The following NUP37 variants were observed in gnomAD, a reference collection of about 807,000 sequenced individuals.
The protein encoded by NUP37 is nucleoporin Nup37.
In NUP37, 33 loss-of-function variants were observed where a neutral mutation model predicts 45.4. The ratio of observed to expected loss-of-function variants is 0.73; its 90% CI spans 0.55 to 0.97. The LOEUF (loss-of-function observed/expected upper bound fraction) is 0.97, where lower values mean the gene tolerates loss of function less well. Among genes scored for constraint, NUP37 ranks in the 50% least tolerant of loss-of-function variants. NUP37 has a pLI of 0.00. For synonymous variants in NUP37, 127 were observed against 130.7 expected (o/e 0.97, Z 0.19); for missense variants, 365 against 389.7 (o/e 0.94, Z 0.53).
intron 4 of NUP37, 99 bp from the exon 5 acceptor site, chr12:102,099,299 C>T (rs1879905469): frequency 3.9e-6 from 3 of 766,328 alleles, no homozygotes; most frequent in African/African-American, 3.5e-5. Context: ...AAAGCTTTCA[C>T]TGCCTGTTTT....
At chr12:102,083,139 T>A (rs1275370101) in intron 6 of NUP37, among the ~76,000 whole-genome samples, 4 of 152,198 alleles carry the variant, frequency 2.6e-5, no homozygotes, top group African/African-American at 9.6e-5. Context: ...AGCATTAAGA[T>A]GTAAGTTTTG....
intron 5 of NUP37, among the ~76,000 whole-genome samples, chr12:102,092,233 G>A (rs1879675656): frequency 6.6e-6 from 1 of 152,170 alleles, no homozygotes; most frequent in South Asian, 2.1e-4. Context: ...ACAAAAGAAA[G>A]AATGGATGAC....
At chr12:102,113,444 T>C (rs1332299023) in intron 2 of NUP37, among the ~76,000 whole-genome samples, 2 of 152,228 alleles carry the variant, frequency 1.3e-5, no homozygotes, top group African/African-American at 4.8e-5. Flanking sequence ...CAGGGATCCA[T>C]CTTATTACTC....
At position 102,115,447 on chromosome 12, in the gene NUP37, T is replaced by C. The variant is rs539941693; in HGVS notation, c.156+2916A>G. Among the ~76,000 whole-genome samples, 21 of 152,360 alleles carry C rather than the reference T, an allele frequency of 1.4e-4. 1 individual carries two copies. In the South Asian group the frequency reaches 2.3e-3, roughly 17 times the overall value. On this transcript the variant is annotated intron_variant, in intron 2 of 9. Coordinates refer to ENST00000552283, the MANE Select transcript of NUP37 (RefSeq NM_024057.4). ...CTCTAGTAGAACTTGGATGAGAACA[T>C]TGATTTAGGCAAGCATATATGTTCA... is the stretch of plus-strand genomic sequence containing the variant.
At position 102,074,257 on chromosome 12, in the gene NUP37, A is replaced by G; in HGVS notation, c.*97T>C. Reference sequence around the variant, plus strand: ...AGACATTTTCTAAAGTATACGGTATATTTGATATAAAAATTCTTCAAAATA... The same window carrying G: ...AGACATTTTCTAAAGTATACGGTATGTTTGATATAAAAATTCTTCAAAATA... On this transcript the variant is annotated 3_prime_UTR_variant, in exon 10 of 10. Transcript: ENST00000552283. 1 of 652,614 alleles carries G rather than the reference A, an allele frequency of 1.5e-6. No individual in the cohort carries two copies. The highest frequency in any genetic ancestry group is 2.6e-6 in the Non-Finnish European group (1 of 382,062). The allele number at this position is 652,614 out of a possible 1,614,324, so 40.4% of individuals were successfully genotyped here. A position where few individuals can be genotyped will look rare whatever the true frequency, so the allele number is the denominator to read the frequency against.
chr12:102,088,946 A>T (rs1477594150), intron 5 of NUP37, among the ~76,000 whole-genome samples: 1 of 152,140 alleles, frequency 6.6e-6, no homozygotes, highest in Non-Finnish European at 1.5e-5. Flanking sequence ...GCATCTGTTT[A>T]ACAAAGCACA....
chr12:102,098,280 C>G (rs1025318114), intron 5 of NUP37, among the ~76,000 whole-genome samples: 1 of 152,108 alleles, frequency 6.6e-6, no homozygotes, highest in Non-Finnish European at 1.5e-5. Context: ...TTATAGCTAC[C>G]TCATCTGTTC....
At chr12:102,101,926 C>T (rs959103586) in intron 3 of NUP37, among the ~76,000 whole-genome samples, 10 of 152,008 alleles carry the variant, frequency 6.6e-5, no homozygotes, top group Non-Finnish European at 1.3e-4. Context: ...GGTTTCACCA[C>T]GTTGGCCAGG....
At chr12:102,074,498 C>T (rs751547525) in intron 9 of NUP37, 31 bp from the exon 10 acceptor site, 2 of 1,228,450 alleles carry the variant, frequency 1.6e-6, no homozygotes, top group Admixed American at 2.1e-5. Flanking sequence ...TAAAGAAGCA[C>T]AGTAAGTCCC....
intron 6 of NUP37, 57 bp downstream of exon 6, chr12:102,085,709 C>T: frequency 1.2e-6 from 1 of 809,062 alleles, no homozygotes; most frequent in Non-Finnish European, 2.0e-6. Context: ...TATGTGATGT[C>T]TTATATCTCT....
At chr12:102,080,141 A>G (rs1594384354) in intron 6 of NUP37, among the ~76,000 whole-genome samples, 1 of 152,374 alleles carries the variant, frequency 6.6e-6, no homozygotes, top group East Asian at 1.9e-4. Flanking sequence ...AAAGAGAATT[A>G]TGAAAAAATC....
chr12:102,118,116 T>C lies in NUP37; in HGVS notation c.156+247A>G, dbSNP rs146319964. Among the ~76,000 whole-genome samples the C allele has an allele frequency of 7.0e-3, 1,059 of 152,326 alleles. 15 individuals are homozygous for C. Among genetic ancestry groups the C allele is most frequent in the Middle Eastern group, 0.014 (4 of 294 alleles). On this transcript the variant is annotated intron_variant, in intron 2 of 9. Transcript: ENST00000552283. The stretch of plus-strand genomic sequence containing the variant: ...TGTTCAGTTAATCATAGCCTTCACT[T>C]ATCAGAATATTCCATTAATGATCAT...
intron 5 of NUP37, among the ~76,000 whole-genome samples, chr12:102,092,216 T>C (rs1323961363): frequency 6.6e-6 from 1 of 152,216 alleles, no homozygotes; most frequent in African/African-American, 2.4e-5. Flanking sequence ...AAATGTTTTT[T>C]GACAACACAA....
chr12:102,089,361 G>C (rs1378414276), intron 5 of NUP37, among the ~76,000 whole-genome samples: 5 of 145,488 alleles, frequency 3.4e-5, no homozygotes, highest in African/African-American at 1.3e-4. Context: ...CCCAGACTGG[G>C]TGGCGGCCGG....
At chr12:102,098,401 T>C (rs984995891) in intron 5 of NUP37, among the ~76,000 whole-genome samples, 4 of 152,224 alleles carry the variant, frequency 2.6e-5, no homozygotes, top group Admixed American at 6.5e-5. Flanking sequence ...CCATCAATCT[T>C]ATGTAGCAGA....
Position 102,083,751 on chromosome 12 carries a change from A to G in NUP37, c.540+2015T>C, listed in dbSNP as rs1879394223. On this transcript the variant is annotated intron_variant, in intron 6 of 9. Coordinates refer to ENST00000552283, the MANE Select transcript of NUP37 (RefSeq NM_024057.4). ...ATAAAGAAAAAGGGAACATATACGC[A>G]AAGTTGCTCAAGAGGACTCAGATAA... is the stretch of plus-strand genomic sequence containing the variant. 2.6e-5 allele frequency among the ~76,000 whole-genome samples: 4 copies of G among 152,236 alleles called. No individual in the cohort carries two copies. The South Asian group carries it at 8.3e-4, about 32-fold the overall frequency.
intron 3 of NUP37, among the ~76,000 whole-genome samples, chr12:102,111,815 T>G (rs1594400917): frequency 6.6e-6 from 1 of 152,210 alleles, no homozygotes; most frequent in African/African-American, 2.4e-5. Flanking sequence ...TTCAATAAAG[T>G]TGTAAATTCA....
intron 5 of NUP37, among the ~76,000 whole-genome samples, chr12:102,094,564 AT>A (rs1324386528): frequency 9.2e-5 from 14 of 152,244 alleles, no homozygotes; most frequent in African/African-American, 3.4e-4. Context: ...TCAAATGTAC[AT>A]AAACAAAGGT....
intron 3 of NUP37, among the ~76,000 whole-genome samples, chr12:102,105,624 G>A (rs1404087743): frequency 6.6e-6 from 1 of 152,004 alleles, no homozygotes; most frequent in Non-Finnish European, 1.5e-5. Context: ...AGCACTTCCG[G>A]TGGCCAAGGT....
Sources: gnomAD v4.1 joint callset for allele counts (sites outside exome capture counted in the v4.1 genomes callset) on GRCh38, gnomAD v4.1.1 for gene constraint, MANE v1.5 for transcripts, NCBI Gene and HGNC (gene_info 2026-07-23, HGNC 2026-07-21) for gene names.